Variants in GALNT10 observed in about 807,000 individuals in gnomAD.
The protein encoded by GALNT10 is polypeptide N-acetylgalactosaminyltransferase 10, also known as GalNAc transferase 10.
A neutral mutation model predicts 75.0 loss-of-function variants in GALNT10; 41 were observed. The observed-to-expected ratio is 0.55, with a 90% confidence interval of 0.43 to 0.71. The LOEUF is 0.71. Among genes scored for constraint, GALNT10 ranks in the 30% least tolerant of loss-of-function variants. The pLI, the probability that GALNT10 is intolerant of heterozygous loss-of-function variation, is 0.00. For synonymous variants in GALNT10, 302 were observed against 313.0 expected (o/e 0.96, Z 0.37); for missense variants, 727 against 818.5 (o/e 0.89, Z 1.36).
At chr5:154,390,959 C>T (rs974228207) in intron 7 of GALNT10, among the ~76,000 whole-genome samples, 9 of 152,202 alleles carry the variant, frequency 5.9e-5, no homozygotes, top group East Asian at 5.8e-4. Context: ...CAATTATGTC[C>T]GTCACTCTCC....
chr5:154,281,190 A>G (rs996775467), intron 1 of GALNT10, among the ~76,000 whole-genome samples: 1 of 152,238 alleles, frequency 6.6e-6, no homozygotes, highest in African/African-American at 2.4e-5. Flanking sequence ...CTTCTGACCA[A>G]TAAACATGAC....
At chr5:154,255,595 G>A (rs1753594301) in intron 1 of GALNT10, among the ~76,000 whole-genome samples, 1 of 152,130 alleles carries the variant, frequency 6.6e-6, no homozygotes, top group African/African-American at 2.4e-5. Flanking sequence ...CTGAGACCCA[G>A]AGGGGCATAT....
At chr5:154,199,634 G>A (rs563904118) in intron 1 of GALNT10, among the ~76,000 whole-genome samples, 3 of 152,316 alleles carry the variant, frequency 2.0e-5, no homozygotes, top group African/African-American at 7.2e-5. Flanking sequence ...CTTCCAGGAT[G>A]CGTGCTCTGC....
At chr5:154,382,846 T>C (rs1260241078) in intron 6 of GALNT10, among the ~76,000 whole-genome samples, 3 of 152,216 alleles carry the variant, frequency 2.0e-5, no homozygotes, top group Non-Finnish European at 4.4e-5. Flanking sequence ...TAAGACCAGG[T>C]CATACAGCTG....
At chr5:154,371,208 C>G (rs926844222) in intron 4 of GALNT10, among the ~76,000 whole-genome samples, 1 of 152,172 alleles carries the variant, frequency 6.6e-6, no homozygotes, top group African/African-American at 2.4e-5. Flanking sequence ...AGTATCCTCT[C>G]TGTGTGTCTG....
intron 1 of GALNT10, among the ~76,000 whole-genome samples, chr5:154,224,512 T>C (rs1341396430): frequency 1.3e-5 from 2 of 152,242 alleles, no homozygotes; most frequent in Non-Finnish European, 2.9e-5. Context: ...TGTTAGCTAA[T>C]TCTGATAAAT....
chr5:154,284,808 A>G (rs1159368000), intron 1 of GALNT10, among the ~76,000 whole-genome samples: 2 of 152,216 alleles, frequency 1.3e-5, no homozygotes. Context: ...GGTAGGTGCT[A>G]TTAGCTGTGA....
intron 11 of GALNT10, 26 bp downstream of exon 11, chr5:154,415,958 G>A (rs748738322): frequency 1.7e-5 from 28 of 1,608,196 alleles, no homozygotes; most frequent in Non-Finnish European, 2.3e-5. Flanking sequence ...GGGGGAGCAG[G>A]GCACCTGCTT....
chr5:154,282,246 C>G (rs1185288533), intron 1 of GALNT10, among the ~76,000 whole-genome samples: 1 of 152,180 alleles, frequency 6.6e-6, no homozygotes, highest in Non-Finnish European at 1.5e-5. Context: ...TTCGTCAGGG[C>G]AGAGCTCTCA....
intron 1 of GALNT10, among the ~76,000 whole-genome samples, chr5:154,202,256 G>A (rs1379570904): frequency 6.6e-6 from 1 of 152,194 alleles, no homozygotes; most frequent in Non-Finnish European, 1.5e-5. Flanking sequence ...AGGAGTGGGG[G>A]TCCCTCTGCC....
intron 4 of GALNT10, among the ~76,000 whole-genome samples, chr5:154,355,499 G>A (rs962505216): frequency 6.6e-6 from 1 of 152,216 alleles, no homozygotes; most frequent in African/African-American, 2.4e-5. Context: ...TCAGGAGGGA[G>A]CCAAGGAAGG....
intron 1 of GALNT10, among the ~76,000 whole-genome samples, chr5:154,262,047 T>TA (rs1197034292): frequency 6.6e-6 from 1 of 152,222 alleles, no homozygotes; most frequent in Non-Finnish European, 1.5e-5. Flanking sequence ...CTGGTAGTAT[T>TA]ACCTTGTAGG....
At position 154,337,982 on chromosome 5, in the gene GALNT10, G is replaced by A. The variant is rs751140529; in HGVS notation, c.568+8244G>A. On this transcript the variant is annotated intron_variant, in intron 4 of 11. Coordinates refer to ENST00000297107, the MANE Select transcript of GALNT10 (RefSeq NM_198321.4). ...AGTCATGGTCGTCAAAGGTTACAAA[G>A]GCAAAGCCCCTTTTCTTGCCACTGC... 1.5e-4 allele frequency: 238 copies of A among 1,578,056 alleles called. 1 individual carries two copies. The highest frequency in any genetic ancestry group is 1.9e-4 in the Non-Finnish European group (226 of 1,163,548).
intron 4 of GALNT10, among the ~76,000 whole-genome samples, chr5:154,371,776 T>C (rs1460698503): frequency 6.6e-6 from 1 of 151,964 alleles, no homozygotes; most frequent in African/African-American, 2.4e-5. Flanking sequence ...CTCTGAGGAG[T>C]CCTTGGGATA....
intron 4 of GALNT10, among the ~76,000 whole-genome samples, chr5:154,348,273 T>G (rs1425623054): frequency 6.6e-6 from 1 of 152,258 alleles, no homozygotes; most frequent in Non-Finnish European, 1.5e-5. Context: ...GATTTCATTT[T>G]TATTACAGCC....
intron 4 of GALNT10, among the ~76,000 whole-genome samples, chr5:154,361,783 A>G (rs552224688): frequency 3.3e-5 from 5 of 152,318 alleles, no homozygotes; most frequent in African/African-American, 9.6e-5. Context: ...TAACATGAGC[A>G]CCTATTAATA....
At chr5:154,369,434 G>A (rs76411897) in intron 4 of GALNT10, among the ~76,000 whole-genome samples, 2,193 of 152,144 alleles carry the variant, frequency 0.014, 27 homozygotes, top group African/African-American at 0.035. Flanking sequence ...GAAGCAATGT[G>A]TATGATAGAC....
intron 1 of GALNT10, among the ~76,000 whole-genome samples, chr5:154,277,801 C>A (rs1159536987): frequency 6.6e-6 from 1 of 152,164 alleles, no homozygotes; most frequent in Non-Finnish European, 1.5e-5. Flanking sequence ...ATTATCAACA[C>A]CCAGCCCCGG....
intron 2 of GALNT10, among the ~76,000 whole-genome samples, 180 bp from the exon 3 acceptor site, chr5:154,297,761 G>A (rs530598336): frequency 6.6e-6 from 1 of 151,822 alleles, no homozygotes; most frequent in African/African-American, 2.4e-5. Context: ...GATGTGCAAA[G>A]TGTCTGAATA....
Sources: allele counts gnomAD v4.1 joint callset (sites outside exome capture counted in the v4.1 genomes callset), GRCh38; gene constraint gnomAD v4.1.1; transcripts MANE v1.5; gene names NCBI Gene and HGNC (gene_info 2026-07-23, HGNC 2026-07-21).